Variants in SETBP1 observed in about 807,000 individuals in gnomAD.
SETBP1 encodes SET binding protein 1.
In SETBP1, 9 loss-of-function variants were observed where a neutral mutation model predicts 101.0. The observed-to-expected ratio is 0.09, with a 90% CI of 0.05 to 0.16. The LOEUF is 0.16. Among genes scored for constraint, SETBP1 ranks in the 10% least tolerant of loss-of-function variants. The probability of loss-of-function intolerance (pLI) is 1.00; values close to 1 mark genes in which losing one functional copy is unlikely to be tolerated. For missense variants in SETBP1, 1,858 were observed against 2,033.8 expected (o/e 0.91, Z 1.66); for synonymous variants, 818 against 788.5 (o/e 1.04, Z -0.63).
At chr18:44,853,841 A>G (rs565992522) in intron 2 of SETBP1, among the ~76,000 whole-genome samples, 5 of 152,226 alleles carry the variant, frequency 3.3e-5, no homozygotes, top group Admixed American at 6.5e-5. Context: ...AGCCTTCACC[A>G]TGATGTTCCA....
chr18:44,907,024 A>G (rs2070191666), intron 3 of SETBP1, among the ~76,000 whole-genome samples: 1 of 152,046 alleles, frequency 6.6e-6, no homozygotes, highest in South Asian at 2.1e-4. Context: ...GTTACACCCC[A>G]TTTTCTTTCT....
rs932218008 is a variant in SETBP1, at chr18:44,968,475, G to C, written c.4000+15135G>C. 3.3e-5 allele frequency among the ~76,000 whole-genome samples: 5 copies of C among 152,270 alleles called. No homozygotes were observed. In the South Asian group the frequency reaches 6.2e-4, roughly 19 times the overall value. The stretch of plus-strand genomic sequence containing the variant: ...GTAAATTCATCTATGTGGACGACCT[G>C]GGGGGAAGCCAGCTAAGTAAAGCAT... On this transcript the variant is annotated intron_variant, in intron 4 of 5. Transcript: ENST00000649279.
At chr18:45,015,784 A>G (rs1421700996) in intron 4 of SETBP1, among the ~76,000 whole-genome samples, 1 of 152,254 alleles carries the variant, frequency 6.6e-6, no homozygotes, top group Non-Finnish European at 1.5e-5. Context: ...TGAACAGAGA[A>G]AAATAGATCA....
intron 2 of SETBP1, among the ~76,000 whole-genome samples, chr18:44,861,338 A>C (rs1200757770): frequency 7.2e-6 from 1 of 138,068 alleles, no homozygotes; most frequent in East Asian, 2.1e-4. Flanking sequence ...TCTCAAGTTC[A>C]TGCCGTTCTC....
At chr18:44,766,197 T>C (rs192488802) in intron 2 of SETBP1, among the ~76,000 whole-genome samples, 1 of 152,192 alleles carries the variant, frequency 6.6e-6, no homozygotes, top group African/African-American at 2.4e-5. Context: ...CACATTGAAA[T>C]ACAGGACATA....
At chr18:44,959,179 G>T (rs568188154) in intron 4 of SETBP1, among the ~76,000 whole-genome samples, 1 of 152,150 alleles carries the variant, frequency 6.6e-6, no homozygotes, top group Non-Finnish European at 1.5e-5. Flanking sequence ...TTCAGGTGTG[G>T]GTGCAGAGAA....
chr18:44,800,155 C>T (rs2071574994), intron 2 of SETBP1, among the ~76,000 whole-genome samples: 1 of 152,106 alleles, frequency 6.6e-6, no homozygotes, highest in East Asian at 1.9e-4. Context: ...TTTCTCTGGC[C>T]TGAGGGAAGT....
At chr18:45,021,430 T>C (rs769241838) in intron 4 of SETBP1, among the ~76,000 whole-genome samples, 5 of 152,348 alleles carry the variant, frequency 3.3e-5, no homozygotes, top group South Asian at 2.1e-4. Context: ...ATGGTTTCTA[T>C]CTGCATATCT....
chr18:44,690,536 C>G (rs2068912997), intron 1 of SETBP1, among the ~76,000 whole-genome samples: 2 of 152,248 alleles, frequency 1.3e-5, no homozygotes, highest in Admixed American at 1.3e-4. Context: ...GTATGTCTAC[C>G]AATTCCTTCC....
At chr18:44,947,618 T>C (rs1053284086) in intron 3 of SETBP1, among the ~76,000 whole-genome samples, 54 of 151,394 alleles carry the variant, frequency 3.6e-4, no homozygotes, top group African/African-American at 1.2e-3. Context: ...GTGATTCTCC[T>C]GCCTCAGCCT....
chr18:44,817,209 G>A (rs367569151), intron 2 of SETBP1, among the ~76,000 whole-genome samples: 12 of 152,174 alleles, frequency 7.9e-5, no homozygotes, highest in African/African-American at 1.2e-4. Flanking sequence ...ACAGAAGAGC[G>A]TTACTTTTGA....
At chr18:44,868,674 G>A (rs2069183950) in intron 2 of SETBP1, among the ~76,000 whole-genome samples, 1 of 118,440 alleles carries the variant, frequency 8.4e-6, no homozygotes, top group Non-Finnish European at 1.9e-5. Flanking sequence ...CAGCGAGAGA[G>A]AGAGAGAGAG....
chr18:44,984,487 C>A (rs2072185721), intron 4 of SETBP1, among the ~76,000 whole-genome samples: 1 of 152,086 alleles, frequency 6.6e-6, no homozygotes, highest in African/African-American at 2.4e-5. Context: ...GGCGGTAATG[C>A]TCACTCCTCC....
rs1353420337 is a variant in SETBP1 at position 45,028,226 on chromosome 18, G to A, written c.4001-10259G>A. 1.7e-4 allele frequency among the ~76,000 whole-genome samples: 24 copies of A among 140,044 alleles called. No individual in the cohort carries two copies. The East Asian group carries it at 3.4e-3, about 20-fold the overall frequency. 91.9% of individuals were successfully genotyped at this position (140,044 alleles called of 152,430 possible). ...CTTCCTGTGTCCATGTGTTCTCATT[G>A]TTCAGTTCCCACCTATGAGTGAGAA... is the stretch of plus-strand genomic sequence containing the variant. On this transcript the variant is annotated intron_variant, in intron 4 of 5. Transcript: ENST00000649279.
At chr18:44,885,065 C>A (rs1173273920) in intron 3 of SETBP1, among the ~76,000 whole-genome samples, 4 of 152,062 alleles carry the variant, frequency 2.6e-5, no homozygotes, top group Non-Finnish European at 5.9e-5. Context: ...AAAGATGGGA[C>A]CTTGTCACTT....
chr18:44,974,811 T>A (rs1449395076), intron 4 of SETBP1, among the ~76,000 whole-genome samples: 1 of 152,182 alleles, frequency 6.6e-6, no homozygotes. Context: ...ACTGTATGAA[T>A]TTCACTTTCC....
chr18:45,028,740 T>C (rs543399600), intron 4 of SETBP1, among the ~76,000 whole-genome samples: 288 of 152,356 alleles, frequency 1.9e-3, no homozygotes, highest in Non-Finnish European at 3.1e-3. Flanking sequence ...GTGGTTTTGA[T>C]TTGCATTTCT....
chr18:44,838,167 T>C (rs2072536507), intron 2 of SETBP1, among the ~76,000 whole-genome samples: 1 of 152,218 alleles, frequency 6.6e-6, no homozygotes. Flanking sequence ...CTAAAACATT[T>C]TGTGAGCCAC....
At chr18:45,012,448 C>T (rs1270981899) in intron 4 of SETBP1, among the ~76,000 whole-genome samples, 2 of 152,062 alleles carry the variant, frequency 1.3e-5, no homozygotes, top group South Asian at 2.1e-4. Context: ...AATAGTGACT[C>T]ATCCTGTGAG....
Sources: allele counts gnomAD v4.1 joint callset (sites outside exome capture counted in the v4.1 genomes callset), GRCh38; gene constraint gnomAD v4.1.1; transcripts MANE v1.5; gene names NCBI Gene and HGNC (gene_info 2026-07-23, HGNC 2026-07-21).